Variants in ATG7 observed in about 807,000 individuals in gnomAD.
ATG7 encodes the protein autophagy related 7, also known as ubiquitin-like modifier-activating enzyme ATG7.
ATG7 carries 70 observed loss-of-function variants against 82.4 expected under a neutral mutation model. The observed-to-expected ratio is 0.85, with a 90% confidence interval of 0.70 to 1.04. The LOEUF (loss-of-function observed/expected upper bound fraction) is 1.04. Among genes scored for constraint, ATG7 ranks in the 50% least tolerant of loss-of-function variants. ATG7 has a pLI of 0.00. For synonymous variants in ATG7, 287 were observed against 313.0 expected (o/e 0.92, Z 0.88); for missense variants, 792 against 864.3 (o/e 0.92, Z 1.05).
At position 11,382,698 on chromosome 3, in the gene ATG7, A is replaced by G. The variant is rs998499052; in HGVS notation, c.1956+2646A>G. 9.8e-5 allele frequency among the ~76,000 whole-genome samples: 15 copies of G among 152,344 alleles called. 2 individuals carry two copies. The highest frequency in any genetic ancestry group is 8.5e-4 in the Admixed American group (13 of 15,302). Reference sequence around the variant, plus strand: ...GGGAAAAGTATAATTTTTAAAATCAATATTCCTGAAAGAATTTCCTGTAGT... The same window carrying G: ...GGGAAAAGTATAATTTTTAAAATCAGTATTCCTGAAAGAATTTCCTGTAGT... On this transcript the variant is annotated intron_variant, in intron 19 of 20. Coordinates refer to ENST00000693202, the MANE Select transcript of ATG7 (RefSeq NM_001349232.2).
intron 20 of ATG7, among the ~76,000 whole-genome samples, chr3:11,439,295 C>T (rs2083662137): frequency 6.6e-6 from 1 of 152,056 alleles, no homozygotes; most frequent in South Asian, 2.1e-4. Flanking sequence ...TCTCGAACTC[C>T]TTACCTCAAA....
At chr3:11,314,753 C>A (rs910869915) in intron 8 of ATG7, among the ~76,000 whole-genome samples, 49 of 147,158 alleles carry the variant, frequency 3.3e-4, no homozygotes, top group African/African-American at 1.2e-3. Flanking sequence ...TGGGCAATAT[C>A]GTGAAACCCC....
intron 20 of ATG7, among the ~76,000 whole-genome samples, chr3:11,524,041 T>A (rs2092510452): frequency 6.6e-6 from 1 of 152,240 alleles, no homozygotes; most frequent in Non-Finnish European, 1.5e-5. Context: ...TTTTATCATT[T>A]CAAGTATGTA....
At chr3:11,440,067 T>C (rs1349347574) in intron 20 of ATG7, among the ~76,000 whole-genome samples, 3 of 152,186 alleles carry the variant, frequency 2.0e-5, no homozygotes, top group East Asian at 1.9e-4. Context: ...ATAGAACATA[T>C]CTCTACTTTC....
intron 5 of ATG7, among the ~76,000 whole-genome samples, chr3:11,300,493 G>A (rs1946622750): frequency 6.6e-6 from 1 of 152,118 alleles, no homozygotes; most frequent in Non-Finnish European, 1.5e-5. Context: ...AAACCAGGAG[G>A]GGGATACAAA....
chr3:11,486,839 T>TAA lies in ATG7; in HGVS notation c.2079+59913_2079+59914insAA, dbSNP rs2089724421. Among the ~76,000 whole-genome samples the TAA allele has an allele frequency of 2.9e-5, 4 of 137,580 alleles. No homozygotes were observed. In the Admixed American group the frequency reaches 3.1e-4, roughly 10 times the overall value. 90.3% of individuals were successfully genotyped at this position (137,580 alleles called of 152,430 possible). Reference sequence around the variant, plus strand: ...GGTTCTGTTTTTTTTTTTTTTTTTTTTAATTTATTTTTTTATTGATAATTC... The same window carrying TAA: ...GGTTCTGTTTTTTTTTTTTTTTTTTTAATAATTTATTTTTTTATTGATAATTC... On this transcript the variant is annotated intron_variant, in intron 20 of 20. Transcript: ENST00000693202.
intron 20 of ATG7, among the ~76,000 whole-genome samples, chr3:11,484,524 G>A (rs1442368292): frequency 2.0e-5 from 3 of 152,150 alleles, no homozygotes; most frequent in Non-Finnish European, 4.4e-5. Flanking sequence ...CAGATTCTTG[G>A]TGATCCAGGA....
intron 19 of ATG7, among the ~76,000 whole-genome samples, chr3:11,383,692 C>T (rs1313805530): frequency 6.6e-6 from 1 of 152,174 alleles, no homozygotes; most frequent in Admixed American, 6.5e-5. Flanking sequence ...TCGTGATCCG[C>T]CCGCCTCAGC....
At chr3:11,404,184 G>T (rs1025840907) in intron 19 of ATG7, among the ~76,000 whole-genome samples, 20 of 140,580 alleles carry the variant, frequency 1.4e-4, no homozygotes, top group African/African-American at 5.1e-4. Flanking sequence ...CCAGACCGGA[G>T]TGCAGTGGTG....
chr3:11,562,441 G>A (rs1361344657), downstream of ATG7, among the ~76,000 whole-genome samples: 4 of 152,102 alleles, frequency 2.6e-5, no homozygotes, highest in East Asian at 3.9e-4. Context: ...TGCAGCATGC[G>A]TCCTGCCTGC....
intron 20 of ATG7, chr3:11,477,188 T>C: frequency 7.8e-7 from 1 of 1,289,260 alleles, no homozygotes; most frequent in Non-Finnish European, 1.0e-6. Context: ...CATAAACAAA[T>C]GGACGGAAGA....
chr3:11,487,042 G>T (rs1436579469), intron 20 of ATG7, among the ~76,000 whole-genome samples: 2 of 151,274 alleles, frequency 1.3e-5, no homozygotes, highest in Non-Finnish European at 2.9e-5. Context: ...GACTCTTAAC[G>T]AGCATGCTGC....
chr3:11,294,718 G>A (rs1351417999), intron 3 of ATG7, among the ~76,000 whole-genome samples: 1 of 152,182 alleles, frequency 6.6e-6, no homozygotes, highest in Non-Finnish European at 1.5e-5. Context: ...TGAGGCACTA[G>A]GCAAACTCCA....
chr3:11,479,603 GT>G (rs1360274047), intron 20 of ATG7, among the ~76,000 whole-genome samples: 3 of 152,046 alleles, frequency 2.0e-5, no homozygotes, highest in Non-Finnish European at 4.4e-5. Context: ...AGTAAGGCAT[GT>G]TTTCTAAAAA....
rs189978865 is a variant in ATG7 at position 11,540,780 on chromosome 3, A to G, written c.2080-14031A>G. On this transcript the variant is annotated intron_variant, in intron 20 of 20. Transcript: ENST00000693202. The stretch of plus-strand genomic sequence containing the variant: ...AGAGAGGAAAAGTTTTGAATTCTGA[A>G]GTTCAGTTAATAATTTTTTTCTCTT... Among the ~76,000 whole-genome samples, 192 of 152,000 alleles carry G rather than the reference A, an allele frequency of 1.3e-3. 1 individual carries two copies. Among genetic ancestry groups the G allele is most frequent in the Non-Finnish European group, 1.8e-3 (124 of 67,976 alleles).
intron 18 of ATG7, among the ~76,000 whole-genome samples, chr3:11,372,851 CGTGTGT>C (rs10666472): frequency 1.2e-5 from 1 of 83,250 alleles, no homozygotes; most frequent in Non-Finnish European, 4.0e-5. Context: ...CGTGCGTGTG[CGTGTGT>C]GTGTGTGAAA....
the ATG7 span, among the ~76,000 whole-genome samples, chr3:11,572,399 G>A: frequency 1.3e-5 from 2 of 152,132 alleles, no homozygotes; most frequent in Non-Finnish European, 1.5e-5. Context: ...ACAAAGACTC[G>A]TGTACCTACC....
At chr3:11,491,095 A>G (rs1478985633) in intron 20 of ATG7, among the ~76,000 whole-genome samples, 2 of 152,186 alleles carry the variant, frequency 1.3e-5, no homozygotes, top group East Asian at 1.9e-4. Flanking sequence ...TTTCCCCGTC[A>G]CTTTCAGGTA....
intron 1 of ATG7, chr3:11,272,728 C>G (rs1314678140): frequency 1.3e-5 from 2 of 152,278 alleles, no homozygotes; most frequent in Non-Finnish European, 2.9e-5. Flanking sequence ...TGCTCAGAAT[C>G]TTCAGTGTTG....
Sources: allele counts gnomAD v4.1 joint callset (sites outside exome capture counted in the v4.1 genomes callset), GRCh38; gene constraint gnomAD v4.1.1; transcripts MANE v1.5; gene names NCBI Gene and HGNC (gene_info 2026-07-23, HGNC 2026-07-21).